SORT1: variants seen among roughly 807,000 people sequenced by gnomAD.
SORT1 encodes the protein sortilin.
Under a neutral mutation model 101.7 loss-of-function variants are expected in SORT1, and 39 were observed. The observed-to-expected ratio is 0.38, with a 90% CI of 0.30 to 0.50. The LOEUF (loss-of-function observed/expected upper bound fraction) is 0.50. Among genes scored for constraint, SORT1 ranks in the 20% least tolerant of loss-of-function variants. SORT1 has a pLI of 0.90. For synonymous variants in SORT1, 396 were observed against 393.7 expected (o/e 1.01, Z -0.07); for missense variants, 878 against 1,040.4 (o/e 0.84, Z 2.15).
At chr1:109,329,447 G>T (rs1210195998) in intron 11 of SORT1, among the ~76,000 whole-genome samples, 1 of 152,126 alleles carries the variant, frequency 6.6e-6, no homozygotes. Flanking sequence ...TAGAGACAGG[G>T]TTTCACCATG....
intron 4 of SORT1, 27 bp downstream of exon 4, chr1:109,355,340 C>A: frequency 8.8e-7 from 1 of 1,138,674 alleles, no homozygotes; most frequent in Non-Finnish European, 1.3e-6. Flanking sequence ...CAAGCACAAG[C>A]TTTATGTATA....
At chr1:109,337,444 T>C (rs1430955388) in intron 10 of SORT1, among the ~76,000 whole-genome samples, 1 of 152,058 alleles carries the variant, frequency 6.6e-6, no homozygotes, top group Non-Finnish European at 1.5e-5. Flanking sequence ...GGTTTCACCA[T>C]GTTGGTCAGG....
Position 109,347,476 on chromosome 1 carries a change from T to C in SORT1, c.832+7A>G, listed in dbSNP as rs766679934. On this transcript the variant is annotated splice_region_variant and intron_variant, in intron 7 of 19. Coordinates refer to ENST00000256637, the MANE Select transcript of SORT1 (RefSeq NM_002959.7). ...GACATTATTTTCTGGGACTAAAATA[T>C]ACTTACTGCAGGAGCCATTTGCATA... The C allele has an allele frequency of 6.9e-6, 11 of 1,598,290 alleles. No individual in the cohort carries two copies. Among genetic ancestry groups the C allele is most frequent in the East Asian group, 2.2e-5 (1 of 44,804 alleles).
chr1:109,341,191 T>G (rs114191770), intron 9 of SORT1, among the ~76,000 whole-genome samples: 1 of 152,216 alleles, frequency 6.6e-6, no homozygotes, highest in African/African-American at 2.4e-5. Context: ...TTAGTTTACA[T>G]ATTTTTAAAT....
chr1:109,392,392 G>A (rs1464047593), intron 1 of SORT1, among the ~76,000 whole-genome samples: 3 of 152,154 alleles, frequency 2.0e-5, no homozygotes, highest in Non-Finnish European at 4.4e-5. Flanking sequence ...CTGTGACCCT[G>A]ACATGAAAGA....
In SORT1 at chr1:109,310,144, C is replaced by T. The variant is rs1252999444; in HGVS notation, c.*3899G>A. ...TAGCAATAAATCATTACCATGTACA[C>T]TATACAGTTTATATATGTATATATG... On this transcript the variant is annotated 3_prime_UTR_variant, in exon 20 of 20. Transcript: ENST00000256637. 1 of 152,540 alleles carries T rather than the reference C, an allele frequency of 6.6e-6. No homozygotes were observed. Among genetic ancestry groups the T allele is most frequent in the Non-Finnish European group, 1.5e-5 (1 of 68,032 alleles). 9.4% of individuals were successfully genotyped at this position (152,540 alleles called of 1,614,324 possible). A position where few individuals can be genotyped will look rare whatever the true frequency, so the allele number is the denominator to read the frequency against.
chr1:109,367,324 A>C, intron 3 of SORT1, 84 bp downstream of exon 3: 1 of 760,064 alleles, frequency 1.3e-6, no homozygotes, highest in Non-Finnish European at 2.3e-6. Flanking sequence ...ATCAACTGTT[A>C]CGTGCCATCA....
At chr1:109,365,696 T>C (rs1440887974) in intron 3 of SORT1, among the ~76,000 whole-genome samples, 1 of 152,248 alleles carries the variant, frequency 6.6e-6, no homozygotes, top group Non-Finnish European at 1.5e-5. Flanking sequence ...TACTATATGT[T>C]AGGCATTTGG....
chr1:109,392,109 T>C (rs745929350), intron 1 of SORT1, among the ~76,000 whole-genome samples: 2 of 152,228 alleles, frequency 1.3e-5, no homozygotes, highest in Non-Finnish European at 2.9e-5. Flanking sequence ...GCCTCATTTC[T>C]GCAGCCTCAA....
At position 109,316,914 on chromosome 1, in the gene SORT1, G is replaced by A; in HGVS notation, c.2186C>T (p.Pro729Leu). The change falls in exon 17 of 20, where the codon CCA becomes CTA. Residue 729 changes from proline (P) to leucine (L), a missense_variant. Coordinates refer to ENST00000256637, the MANE Select transcript of SORT1 (RefSeq NM_002959.7). The part of the protein sequence containing the change: ...PGDKCQGGVN[P>L]VREVKDLKKK... ...TTTCAAGTCTTTTACTTCTCGAACT[G>A]GATTTACCCCACCCTGGCATTTGTC... is the stretch of plus-strand genomic sequence containing the variant. 1 of 1,611,076 alleles carries A rather than the reference G, an allele frequency of 6.2e-7. No individual in the cohort carries two copies. Among genetic ancestry groups the A allele is most frequent in the East Asian group, 2.2e-5 (1 of 44,520 alleles).
chr1:109,379,320 AC>A (rs1652078094), intron 1 of SORT1, among the ~76,000 whole-genome samples: 1 of 151,946 alleles, frequency 6.6e-6, no homozygotes. Context: ...AAAAAATCAT[AC>A]AAAAAAATCT....
intron 15 of SORT1, among the ~76,000 whole-genome samples, chr1:109,321,359 T>C (rs1246480115): frequency 2.6e-5 from 4 of 152,128 alleles, no homozygotes; most frequent in African/African-American, 9.7e-5. Context: ...GTGGAAAGAC[T>C]TTTCAGGCAG....
At chr1:109,339,848 A>G (rs1399343681) in intron 10 of SORT1, among the ~76,000 whole-genome samples, 1 of 152,188 alleles carries the variant, frequency 6.6e-6, no homozygotes, top group Non-Finnish European at 1.5e-5. Context: ...AGTGTCCATC[A>G]ATGGAGGAAT....
In SORT1 at chr1:109,316,860, G is replaced by A. The variant is rs146732214; in HGVS notation, c.2240C>T (p.Pro747Leu). 24 of 1,601,262 alleles carry A rather than the reference G, an allele frequency of 1.5e-5. No individual in the cohort carries two copies. The Admixed American group carries it at 3.6e-4, about 24-fold the overall frequency. ...KKKCTSNFLS[P>L]EKQNSKSNSV... ...CCTATTTTAACATACCTGTTTTTCCGGACTCAAAAAGTTGCTTGTGCATTT... is the reference window on the plus strand; with the variant it reads ...CCTATTTTAACATACCTGTTTTTCCAGACTCAAAAAGTTGCTTGTGCATTT... Residue 747 changes from proline to leucine, a missense_variant, in exon 17 of 20, where the codon CCG (proline) becomes CTG (leucine). Physicochemically the swap from Pro to Leu is moderately conservative, Grantham distance 98 (BLOSUM62 -3). Coordinates refer to ENST00000256637, the MANE Select transcript of SORT1 (RefSeq NM_002959.7).
At chr1:109,325,218 A>T in intron 13 of SORT1, 129 bp from the exon 14 acceptor site, 1 of 457,548 alleles carries the variant, frequency 2.2e-6, no homozygotes, top group East Asian at 3.4e-5. Context: ...TTATTGGCTG[A>T]CAATTATTTT....
Position 109,355,451 on chromosome 1 carries a change from G to A in SORT1, c.459C>T (p.Asn153=). 1 of 1,585,846 alleles carries A rather than the reference G, an allele frequency of 6.3e-7. No homozygotes were observed. Residue 153 remains asparagine (N), a synonymous_variant, in exon 4 of 20, where the codon AAC becomes AAT. Transcript: ENST00000256637. ...KLYRSEDYGK[N]FKDITDLINN... ...TGATGAGATCTGTAATATCCTTAAA[G>A]TTCTTCCCATAATCCTCACTGAGAG...
chr1:109,312,419 C>G lies in SORT1; in HGVS notation c.*1624G>C, dbSNP rs1658779859. On this transcript the variant is annotated 3_prime_UTR_variant, in exon 20 of 20. Transcript: ENST00000256637. ...CTCTAAAAGTCTCCATCCACTCTCT[C>G]CCCCACTTTCCACGCAGCTGTTAAT... The G allele has an allele frequency of 6.6e-6, 1 of 152,490 alleles. No individual in the cohort carries two copies. Among genetic ancestry groups the G allele is most frequent in the Admixed American group, 6.5e-5 (1 of 15,268 alleles). The allele number at this position is 152,490 out of a possible 1,614,324, so 9.4% of individuals were successfully genotyped here. A position where few individuals can be genotyped will look rare whatever the true frequency, so the allele number is the denominator to read the frequency against.
In SORT1 at chr1:109,312,233, G is replaced by A. The variant is rs1433487103; in HGVS notation, c.*1810C>T. 6.6e-6 allele frequency: 1 copy of A among 152,346 alleles called. No homozygotes were observed. The highest frequency in any genetic ancestry group is 1.5e-5 in the Non-Finnish European group (1 of 68,032). 9.4% of individuals were successfully genotyped at this position (152,346 alleles called of 1,614,324 possible). A position where few individuals can be genotyped will look rare whatever the true frequency, so the allele number is the denominator to read the frequency against. ...CTGACGTTTTCATTTGTGAGCTGGT[G>A]TATCTTCGGAATTATTTTTAATTTT... On this transcript the variant is annotated 3_prime_UTR_variant, in exon 20 of 20. Transcript: ENST00000256637.
chr1:109,343,350 A>G lies in SORT1; in HGVS notation c.964-1192T>C, dbSNP rs1030008849. Among the ~76,000 whole-genome samples the G allele has an allele frequency of 2.6e-5, 4 of 151,128 alleles. No individual in the cohort carries two copies. The South Asian group carries it at 8.3e-4, about 31-fold the overall frequency. On this transcript the variant is annotated intron_variant, in intron 8 of 19. Coordinates refer to ENST00000256637, the MANE Select transcript of SORT1 (RefSeq NM_002959.7). Reference sequence around the variant, plus strand: ...GTCACCAACAACCTCCACGTCGCCAACTCCAGTGGATAATTCTCAGAATGC... The same window carrying G: ...GTCACCAACAACCTCCACGTCGCCAGCTCCAGTGGATAATTCTCAGAATGC...
Sources: allele counts gnomAD v4.1 joint callset (sites outside exome capture counted in the v4.1 genomes callset), GRCh38; gene constraint gnomAD v4.1.1; transcripts MANE v1.5; gene names NCBI Gene and HGNC (gene_info 2026-07-23, HGNC 2026-07-21).